Variants in NOL10 observed in about 807,000 individuals in gnomAD.
NOL10 encodes nucleolar protein 10.
A neutral mutation model predicts 103.5 loss-of-function variants in NOL10; 58 were observed. The observed-to-expected ratio is 0.56, with a 90% CI of 0.45 to 0.70. The LOEUF (loss-of-function observed/expected upper bound fraction) is 0.70, where lower values mean the gene tolerates loss of function less well. NOL10 is among the 30% of genes least tolerant of loss of function. NOL10 has a pLI of 0.00. For missense variants in NOL10, 763 were observed against 807.3 expected (o/e 0.95, Z 0.67); for synonymous variants, 287 against 282.5 (o/e 1.02, Z -0.16).
chr2:10,668,662 C>A lies in NOL10; in HGVS notation c.526G>T (p.Ala176Ser). ...AGAATTACTAAAACTACTCACGCAG[C>A]ATCAGTTTGTAGAGGATTCAGGTAT... ...GRYLNPLQTD[A>S]AENNVCDINS... The change falls in exon 7 of 21, where the codon GCT becomes TCT. Residue 176 changes from alanine (A) to serine (S), a missense_variant. By Grantham distance (99) the Ala-to-Ser change is moderately conservative (BLOSUM62 1). Coordinates refer to ENST00000381685, the MANE Select transcript of NOL10 (RefSeq NM_024894.4). The A allele has an allele frequency of 1.3e-6, 2 of 1,513,764 alleles. No homozygotes were observed. Among genetic ancestry groups the A allele is most frequent in the Non-Finnish European group, 1.8e-6 (2 of 1,107,592 alleles). 93.8% of individuals were successfully genotyped at this position (1,513,764 alleles called of 1,614,324 possible).
At chr2:10,678,805 C>T (rs1681510391) in intron 3 of NOL10, among the ~76,000 whole-genome samples, 1 of 152,096 alleles carries the variant, frequency 6.6e-6, no homozygotes, top group African/African-American at 2.4e-5. Flanking sequence ...CTCCATTTCC[C>T]CTACCAATAC....
rs553188095 is a variant in NOL10 at position 10,582,184 on chromosome 2, T to A, written c.1845-4446A>T. Among the ~76,000 whole-genome samples the A allele has an allele frequency of 5.3e-5, 8 of 152,378 alleles. No homozygotes were observed. In the South Asian group the frequency reaches 1.7e-3, roughly 32 times the overall value. ...CAGCTCTTATCCACTATCAGAGGAA[T>A]GTGAGCTGAAGAGTAAAAACATGCC... On this transcript the variant is annotated intron_variant, in intron 19 of 20. Coordinates refer to ENST00000381685, the MANE Select transcript of NOL10 (RefSeq NM_024894.4).
At chr2:10,593,877 C>A (rs1046450058) in intron 17 of NOL10, among the ~76,000 whole-genome samples, 1 of 152,124 alleles carries the variant, frequency 6.6e-6, no homozygotes. Context: ...CCTTTACCCC[C>A]CCAAGCAGGA....
intron 13 of NOL10, among the ~76,000 whole-genome samples, chr2:10,624,033 C>T (rs1677297955): frequency 6.6e-6 from 1 of 152,138 alleles, no homozygotes; most frequent in South Asian, 2.1e-4. Context: ...CCTTTACCTC[C>T]TTCCTGTGTG....
intron 13 of NOL10, among the ~76,000 whole-genome samples, chr2:10,625,677 G>C (rs760737252): frequency 6.6e-6 from 1 of 151,912 alleles, no homozygotes; most frequent in Non-Finnish European, 1.5e-5. Flanking sequence ...AGCAATTTAC[G>C]GTGCTAGTAA....
chr2:10,657,550 AAAGC>A (rs1203031235), intron 11 of NOL10, among the ~76,000 whole-genome samples, 188 bp downstream of exon 11: 3 of 152,186 alleles, frequency 2.0e-5, no homozygotes, highest in Non-Finnish European at 2.9e-5. Context: ...TAACAGAAGG[AAAGC>A]AATCATGAGT....
intron 6 of NOL10, among the ~76,000 whole-genome samples, chr2:10,669,669 G>A (rs979087989): frequency 3.3e-5 from 5 of 151,014 alleles, no homozygotes; most frequent in East Asian, 2.0e-4. Context: ...TGAGGTGGGC[G>A]GATCACGAGG....
rs144573932 is a variant in NOL10 at position 10,621,490 on chromosome 2, A to T, written c.1027-14179T>A. On this transcript the variant is annotated intron_variant, in intron 13 of 20. Coordinates refer to ENST00000381685, the MANE Select transcript of NOL10 (RefSeq NM_024894.4). ...ATTCCTGTAGTCCTGGGTACTTGGGAGACTGAGGTTGGGGAATCACTTGAA... is the reference window on the plus strand; with the variant it reads ...ATTCCTGTAGTCCTGGGTACTTGGGTGACTGAGGTTGGGGAATCACTTGAA... 1.3e-3 allele frequency among the ~76,000 whole-genome samples: 196 copies of T among 152,282 alleles called. 1 individual carries two copies. The highest frequency in any genetic ancestry group is 4.6e-3 in the African/African-American group (192 of 41,556).
chr2:10,656,922 A>C (rs922909780), intron 11 of NOL10, among the ~76,000 whole-genome samples: 1 of 152,262 alleles, frequency 6.6e-6, no homozygotes, highest in Non-Finnish European at 1.5e-5. Context: ...AAAATGAAAA[A>C]TGAAAAGCAG....
At chr2:10,666,074 T>C (rs1019363267) in intron 8 of NOL10, among the ~76,000 whole-genome samples, 3 of 152,098 alleles carry the variant, frequency 2.0e-5, no homozygotes, top group African/African-American at 7.2e-5. Context: ...GTGTCTAGTG[T>C]TGTCATCTTT....
chr2:10,686,620 ACTGCAATTG>A (rs1330756006), intron 1 of NOL10, among the ~76,000 whole-genome samples: 2 of 152,344 alleles, frequency 1.3e-5, no homozygotes, highest in East Asian at 3.9e-4. Context: ...AACTGCAATA[ACTGCAATTG>A]CATAGTCAGG....
intron 4 of NOL10, 37 bp downstream of exon 4, chr2:10,675,757 G>C: frequency 8.3e-7 from 1 of 1,205,982 alleles, no homozygotes; most frequent in African/African-American, 1.5e-5. Flanking sequence ...AACATAAAAA[G>C]CCATTTTCAT....
chr2:10,582,984 T>C (rs557243113), intron 19 of NOL10, among the ~76,000 whole-genome samples: 73 of 152,326 alleles, frequency 4.8e-4, no homozygotes, highest in African/African-American at 1.6e-3. Context: ...GTTGGCCACT[T>C]GGCAGGACTG....
At chr2:10,597,300 A>G (rs7592691) in intron 17 of NOL10, among the ~76,000 whole-genome samples, 90,109 of 152,056 alleles carry the variant, frequency 0.59, 27,735 homozygotes, top group African/African-American at 0.74. Flanking sequence ...AGCAATATTT[A>G]GGAACACATT....
chr2:10,645,928 A>AACACAC (rs1348815839), intron 12 of NOL10, among the ~76,000 whole-genome samples: 9 of 121,642 alleles, frequency 7.4e-5, no homozygotes, highest in African/African-American at 3.2e-4. Flanking sequence ...ATGCACACAA[A>AACACAC]ACACACACAC....
At chr2:10,670,943 G>A (rs192128421) in intron 6 of NOL10, among the ~76,000 whole-genome samples, 1 of 152,302 alleles carries the variant, frequency 6.6e-6, no homozygotes, top group Non-Finnish European at 1.5e-5. Context: ...ACTGTTTAAT[G>A]TAGGACATCA....
chr2:10,619,542 C>T (rs1049509840), intron 13 of NOL10, among the ~76,000 whole-genome samples: 6 of 152,082 alleles, frequency 3.9e-5, no homozygotes, highest in African/African-American at 1.2e-4. Flanking sequence ...CTTTTAAATT[C>T]AAAACTGGAT....
At chr2:10,659,341 TGGG>T (rs35723682) in intron 9 of NOL10, 91 bp from the exon 10 acceptor site, 99,981 of 249,764 alleles carry the variant, frequency 0.4, 16,244 homozygotes, top group South Asian at 0.56. Context: ...TCAAATCTAA[TGGG>T]GGGGGGGGGG....
intron 14 of NOL10, chr2:10,604,570 T>C (rs1409970902): frequency 1.3e-5 from 2 of 152,214 alleles, no homozygotes; most frequent in Admixed American, 1.3e-4. Context: ...TGTATACAAC[T>C]GCACGTGTAT....
Sources: allele counts gnomAD v4.1 joint callset (sites outside exome capture counted in the v4.1 genomes callset), GRCh38; gene constraint gnomAD v4.1.1; transcripts MANE v1.5; gene names NCBI Gene and HGNC (gene_info 2026-07-23, HGNC 2026-07-21).